The following COLEC10 variants were observed in gnomAD, a reference collection of about 807,000 sequenced individuals.
COLEC10 encodes collectin-10.
Under a neutral mutation model 28.4 loss-of-function variants are expected in COLEC10, and 22 were observed. That is an observed-to-expected ratio of 0.78 (90% CI 0.55 to 1.11). The LOEUF is 1.11. Among genes scored for constraint, COLEC10 ranks in the 50% least tolerant of loss-of-function variants. The pLI, the probability that COLEC10 is intolerant of heterozygous loss-of-function variation, is 0.00. For synonymous variants in COLEC10, 125 were observed against 116.1 expected, an observed-to-expected ratio of 1.08 and a Z score of -0.49; for missense variants, 361 against 344.1, an observed-to-expected ratio of 1.05 and a Z score of -0.39.
chr8:119,040,174 A>G (rs1018929351), intron 2 of COLEC10, among the ~76,000 whole-genome samples: 8 of 152,210 alleles, frequency 5.3e-5, no homozygotes, highest in African/African-American at 1.4e-4. Flanking sequence ...CCTTTCTCTC[A>G]GGTAAATTAT....
chr8:118,998,683 C>CAAAA (rs71569784), intron 1 of COLEC10, among the ~76,000 whole-genome samples: 2 of 139,454 alleles, frequency 1.4e-5, no homozygotes, highest in African/African-American at 2.7e-5. Flanking sequence ...CTGAAAAATA[C>CAAAA]AAAAAAAAAA....
upstream of COLEC10, among the ~76,000 whole-genome samples, chr8:119,065,632 G>C (rs924559050): frequency 6.6e-6 from 1 of 152,066 alleles, no homozygotes; most frequent in Admixed American, 6.5e-5. Flanking sequence ...CAAGGTGGAT[G>C]GATCATTTGA....
the COLEC10 span, among the ~76,000 whole-genome samples, chr8:118,959,312 T>G: frequency 1.3e-5 from 2 of 152,180 alleles, no homozygotes; most frequent in Admixed American, 6.5e-5. Context: ...TTGGGGCCTT[T>G]GTAGACTGAA....
At chr8:118,975,145 C>T in the COLEC10 span, among the ~76,000 whole-genome samples, 51 of 152,046 alleles carry the variant, frequency 3.4e-4, 2 homozygotes, top group South Asian at 0.01. Flanking sequence ...TGAGGAGAAA[C>T]AATAAAACAG....
the COLEC10 span, among the ~76,000 whole-genome samples, chr8:118,977,355 G>A: frequency 5.4e-5 from 8 of 148,894 alleles, no homozygotes; most frequent in African/African-American, 2.0e-4. Flanking sequence ...CAACCCAAAT[G>A]TCCAACAATG....
the COLEC10 span, among the ~76,000 whole-genome samples, chr8:118,961,543 C>A: frequency 6.6e-6 from 1 of 152,192 alleles, no homozygotes; most frequent in Non-Finnish European, 1.5e-5. Context: ...GGGACACTGC[C>A]ACGCTGATTT....
chr8:119,085,202 T>C (rs1306636232), intron 1 of COLEC10, among the ~76,000 whole-genome samples: 1 of 152,142 alleles, frequency 6.6e-6, no homozygotes, highest in East Asian at 1.9e-4. Context: ...CTTGAAAGAA[T>C]TCAGGATAGC....
At chr8:119,047,286 G>T (rs565511551) in intron 2 of COLEC10, among the ~76,000 whole-genome samples, 6 of 152,266 alleles carry the variant, frequency 3.9e-5, no homozygotes, top group African/African-American at 1.4e-4. Flanking sequence ...CTTGCCACAT[G>T]GGTAATGGAT....
At chr8:118,963,188 G>A in the COLEC10 span, among the ~76,000 whole-genome samples, 1 of 152,086 alleles carries the variant, frequency 6.6e-6, no homozygotes, top group African/African-American at 2.4e-5. Context: ...AGTGATAAAG[G>A]TAATAACAAC....
At position 119,046,856 on chromosome 8, in the gene COLEC10, C is replaced by T. The variant is rs538350773; in HGVS notation, n.235+37303C>T. ...ATTTAGGAATCAAATTTTATCTAAA[C>T]ATGATCATGACCCATAAACTATCTT... On this transcript the variant is annotated intron_variant and non_coding_transcript_variant, in intron 2 of 6. Transcript: ENST00000521788. Among the ~76,000 whole-genome samples, 3 of 152,334 alleles carry T rather than the reference C, an allele frequency of 2.0e-5. No individual in the cohort carries two copies. In the South Asian group the frequency reaches 6.2e-4, roughly 32 times the overall value.
intron 1 of COLEC10, among the ~76,000 whole-genome samples, chr8:119,069,629 A>AAAAAATATATATATAT (rs1554627284): frequency 3.7e-4 from 16 of 42,852 alleles, no homozygotes; most frequent in Non-Finnish European, 5.3e-4. Context: ...AAAAAAAAAA[A>AAAAAATATATATATAT]ATATATATAT....
chr8:118,956,862 T>C, the COLEC10 span, among the ~76,000 whole-genome samples: 1 of 152,122 alleles, frequency 6.6e-6, no homozygotes, highest in African/African-American at 2.4e-5. Context: ...AGATAAAAAC[T>C]CTTAAAACTA....
At chr8:119,009,807 T>C (rs780805000) in intron 2 of COLEC10, among the ~76,000 whole-genome samples, 1 of 149,358 alleles carries the variant, frequency 6.7e-6, no homozygotes, top group Non-Finnish European at 1.5e-5. Context: ...AATAAAAGAG[T>C]GTAACAACTT....
At chr8:119,080,822 C>T (rs1256519683) in intron 1 of COLEC10, among the ~76,000 whole-genome samples, 1 of 151,956 alleles carries the variant, frequency 6.6e-6, no homozygotes, top group Admixed American at 6.6e-5. Context: ...TTATTCCTTC[C>T]TTCTCTAAAT....
chr8:119,065,318 C>A (rs759385683), upstream of COLEC10, among the ~76,000 whole-genome samples: 3 of 152,074 alleles, frequency 2.0e-5, no homozygotes, highest in Non-Finnish European at 4.4e-5. Flanking sequence ...TCAGCAGCGG[C>A]ATTAGATTCT....
chr8:118,991,884 G>C (rs763945536), upstream of COLEC10, among the ~76,000 whole-genome samples: 2 of 152,076 alleles, frequency 1.3e-5, no homozygotes, highest in African/African-American at 4.8e-5. Context: ...CACTTCAAGA[G>C]ACAGGTATTA....
intron 1 of COLEC10, among the ~76,000 whole-genome samples, chr8:119,077,795 C>T (rs1815281257): frequency 6.6e-6 from 1 of 152,136 alleles, no homozygotes; most frequent in Non-Finnish European, 1.5e-5. Flanking sequence ...ATGGCTTCCA[C>T]ATAAATAATA....
chr8:119,063,731 CA>C (rs60292327), upstream of COLEC10, among the ~76,000 whole-genome samples: 93 of 136,328 alleles, frequency 6.8e-4, 1 homozygote, highest in Middle Eastern at 3.8e-3. Flanking sequence ...ATTCAATTCA[CA>C]AAAAAAAAAA....
intron 2 of COLEC10, among the ~76,000 whole-genome samples, chr8:119,045,743 C>T (rs549162748): frequency 6.6e-6 from 1 of 152,256 alleles, no homozygotes; most frequent in Non-Finnish European, 1.5e-5. Context: ...AAATTCAAAA[C>T]TTTTTTTCTC....
Sources: allele counts gnomAD v4.1 joint callset (sites outside exome capture counted in the v4.1 genomes callset), GRCh38; gene constraint gnomAD v4.1.1; transcripts MANE v1.5; gene names NCBI Gene and HGNC (gene_info 2026-07-23, HGNC 2026-07-21).